The following PLXNB1 variants were observed in gnomAD, a reference collection of about 807,000 sequenced individuals.
PLXNB1 encodes the protein plexin-B1.
PLXNB1 carries 106 observed loss-of-function variants against 209.4 expected under a neutral mutation model. The ratio of observed to expected loss-of-function variants is 0.51; its 90% confidence interval spans 0.43 to 0.59. The LOEUF (loss-of-function observed/expected upper bound fraction) is 0.59. Among genes scored for constraint, PLXNB1 ranks in the 20% least tolerant of loss-of-function variants. PLXNB1 has a pLI of 0.00. For missense variants in PLXNB1, 2,357 were observed against 2,853.2 expected (o/e 0.83, Z 3.96); for synonymous variants, 1,167 against 1,183.2 (o/e 0.99, Z 0.28).
chr3:48,407,898 C>T (rs748166484), intron 34 of PLXNB1, among the ~76,000 whole-genome samples: 91 of 152,228 alleles, frequency 6.0e-4, no homozygotes, highest in Non-Finnish European at 1.1e-3. Context: ...GGTGGCCCTG[C>T]GGGTCCTGGT....
At chr3:48,414,658 C>G (rs1048705846) in intron 21 of PLXNB1, 141 bp downstream of exon 21, 2 of 1,132,352 alleles carry the variant, frequency 1.8e-6, no homozygotes, top group East Asian at 4.8e-5. Flanking sequence ...GCCCCCTCTG[C>G]CCCCACCACA....
chr3:48,407,707 T>C (rs2037397346), intron 34 of PLXNB1, among the ~76,000 whole-genome samples: 1 of 152,220 alleles, frequency 6.6e-6, no homozygotes, highest in Non-Finnish European at 1.5e-5. Context: ...CAAGGCCAGC[T>C]CCTCTGTCAA....
In PLXNB1 at chr3:48,419,634, G is replaced by T. The variant is rs746347488; in HGVS notation, c.2652C>A (p.Pro884=). The T allele has an allele frequency of 3.1e-6, 5 of 1,612,522 alleles. 1 individual carries two copies. In the South Asian group the frequency reaches 4.4e-5, roughly 14 times the overall value. Residue 884 remains proline (P), a synonymous_variant, in exon 11 of 38, where the codon CCC becomes CCA. Transcript: ENST00000296440. This position sits in a 1 kb window ranked among gnomAD's most constrained non-coding sequence, Gnocchi z 5.7. ...AGTCGAGGCTGGACGGGAGGATGAGGGGGGCGGGAGGGCCCTCAAGCTCTG... is the reference window on the plus strand; with the variant it reads ...AGTCGAGGCTGGACGGGAGGATGAGTGGGGCGGGAGGGCCCTCAAGCTCTG... ...DSAELEGPPA[P]LILPSSLDYQ... is the part of the protein sequence containing the mutation.
At chr3:48,428,654 G>A (rs1338805813) in intron 1 of PLXNB1, among the ~76,000 whole-genome samples, 1 of 152,186 alleles carries the variant, frequency 6.6e-6, no homozygotes, top group East Asian at 1.9e-4. Flanking sequence ...TCACTACAGA[G>A]GTGAGTTATT....
chr3:48,419,044 G>A lies in PLXNB1; in HGVS notation c.2833-5C>T, dbSNP rs2038306457. 1.2e-6 allele frequency: 2 copies of A among 1,613,860 alleles called. No individual in the cohort carries two copies. The highest frequency in any genetic ancestry group is 1.7e-6 in the Non-Finnish European group (2 of 1,179,962). On this transcript the variant is annotated splice_region_variant and splice_polypyrimidine_tract_variant and intron_variant, in intron 12 of 37. Coordinates refer to ENST00000296440, the MANE Select transcript of PLXNB1 (RefSeq NM_001130082.3). The surrounding 1 kb of genome is among the most constrained non-coding windows in gnomAD (Gnocchi z 5.7). ...CTCATTGTCTCCTGGGCCATCCTGA[G>A]GGCAGAGAACACAGCTGTTGGGCAG...
intron 5 of PLXNB1, 28 bp from the exon 6 acceptor site, chr3:48,422,233 A>G (rs1698110859): frequency 1.2e-6 from 2 of 1,612,490 alleles, no homozygotes; most frequent in Admixed American, 3.3e-5. Flanking sequence ...ACCTGAGGCC[A>G]GCAATCCAAA....
In PLXNB1 at chr3:48,415,183, C is replaced by T; in HGVS notation, c.3959G>A (p.Ser1320Asn). 1 of 1,611,330 alleles carries T rather than the reference C, an allele frequency of 6.2e-7. No individual in the cohort carries two copies. The highest frequency in any genetic ancestry group is 8.5e-7 in the Non-Finnish European group (1 of 1,178,192). ...TACCCAAGGGTGTCCTACTTGCTGG[C>T]TACTGCAGGAGGGTCCAAGGGAACA... is the stretch of plus-strand genomic sequence containing the variant. The part of the protein sequence containing the change: ...TACSLGPSCS[S>N]QQFEEPCHVN... Residue 1320 changes from serine (S) to asparagine (N), a missense_variant, in exon 20 of 38, where the codon AGC becomes AAC. By Grantham distance (46) the Ser-to-Asn change is conservative. This residue lies in a region of PLXNB1 where 743 missense variants were observed against 896.2 expected (regional missense o/e 0.83). Transcript: ENST00000296440. The surrounding 1 kb of genome is among the most constrained non-coding windows in gnomAD (Gnocchi z 5.0).
intron 2 of PLXNB1, among the ~76,000 whole-genome samples, chr3:48,424,955 C>T (rs980796557): frequency 6.6e-6 from 1 of 152,136 alleles, no homozygotes; most frequent in Non-Finnish European, 1.5e-5. Context: ...CTGGATGGGG[C>T]AGAAGAGCAG....
chr3:48,406,534 G>A lies in PLXNB1; in HGVS notation c.6228+289C>T. 1 of 982,110 alleles carries A rather than the reference G, an allele frequency of 1.0e-6. No individual in the cohort carries two copies. The highest frequency in any genetic ancestry group is 1.2e-6 in the Non-Finnish European group (1 of 826,912). 60.8% of individuals were successfully genotyped at this position (982,110 alleles called of 1,614,324 possible). ...AGCAGTGGGAAGACGCATGCAGGCAGACCCAGGCAGGCCTGGGGCTGAATC... is the reference window on the plus strand; with the variant it reads ...AGCAGTGGGAAGACGCATGCAGGCAAACCCAGGCAGGCCTGGGGCTGAATC... On this transcript the variant is annotated intron_variant, in intron 36 of 37. Transcript: ENST00000296440. This position sits in a 1 kb window ranked among gnomAD's most constrained non-coding sequence, Gnocchi z 4.4.
chr3:48,410,309 A>G lies in PLXNB1; in HGVS notation c.5592T>C (p.Tyr1864=), dbSNP rs2037590826. The G allele has an allele frequency of 5.6e-6, 9 of 1,611,372 alleles. No individual in the cohort carries two copies. Among genetic ancestry groups the G allele is most frequent in the Non-Finnish European group, 7.6e-6 (9 of 1,178,514 alleles). The change falls in exon 31 of 38, where the codon TAT becomes TAC. Residue 1864 remains tyrosine, a synonymous_variant. Transcript: ENST00000296440. The surrounding 1 kb of genome is among the most constrained non-coding windows in gnomAD (Gnocchi z 6.4). The part of the protein sequence containing the change: ...TKHVLRENQD[Y]VPGERTPMLE... ...AGCGGTACTCACGCTCTCCAGGGAC[A>G]TAATCCTGGTTTTCCCGGAGCACAT...
intron 34 of PLXNB1, among the ~76,000 whole-genome samples, chr3:48,407,646 T>C (rs546370543): frequency 1.5e-3 from 234 of 152,316 alleles, no homozygotes; most frequent in Admixed American, 3.4e-3. Flanking sequence ...CTAGAGCTGC[T>C]GGGAAGGTGA....
In PLXNB1 at chr3:48,419,267, C is replaced by T; in HGVS notation, c.2809G>A (p.Gly937Ser). Residue 937 changes from glycine to serine, a missense_variant, in exon 12 of 38, where the codon GGC becomes AGC. Physicochemically the swap from Gly to Ser is moderately conservative, Grantham distance 56. Coordinates refer to ENST00000296440, the MANE Select transcript of PLXNB1 (RefSeq NM_001130082.3). The surrounding 1 kb of genome is among the most constrained non-coding windows in gnomAD (Gnocchi z 5.7). The stretch of plus-strand genomic sequence containing the variant: ...ACCTGGAAAAGGTGCAGGTTCCTGC[C>T]TAGCAGCCGGATTTCCCGCTCCACA... ...VHVEREIRLLGRNLHLFQDGP... is the reference protein window; with the variant it reads ...VHVEREIRLLSRNLHLFQDGP... The T allele has an allele frequency of 6.3e-7, 1 of 1,590,876 alleles. No individual in the cohort carries two copies. The highest frequency in any genetic ancestry group is 8.6e-7 in the Non-Finnish European group (1 of 1,165,896).
chr3:48,412,366 T>C, intron 26 of PLXNB1, 62 bp from the exon 27 acceptor site: 1 of 1,610,918 alleles, frequency 6.2e-7, no homozygotes, highest in Non-Finnish European at 8.5e-7. Flanking sequence ...CTCTCTATCC[T>C]GCAGACCCCC....
rs867179619 is a variant in PLXNB1 at position 48,409,330 on chromosome 3, C to T, written c.6086G>A (p.Arg2029Gln). 1.7e-5 allele frequency: 28 copies of T among 1,614,002 alleles called. No individual in the cohort carries two copies. Among genetic ancestry groups the T allele is most frequent in the African/African-American group, 6.7e-5 (5 of 74,944 alleles). ...ACTLADHKLG[R>Q]DSPINKLLYA... ...CGTGTCCATCCCAGACTCGCTCACCCGGCCCAGCTTGTGGTCGGCCAGGGT... is the reference window on the plus strand; with the variant it reads ...CGTGTCCATCCCAGACTCGCTCACCTGGCCCAGCTTGTGGTCGGCCAGGGT... Residue 2029 changes from arginine (R) to glutamine (Q), a missense_variant and splice_region_variant, in exon 34 of 38, where the codon CGG (arginine) becomes CAG (glutamine). Coordinates refer to ENST00000296440, the MANE Select transcript of PLXNB1 (RefSeq NM_001130082.3). This position sits in a 1 kb window ranked among gnomAD's most constrained non-coding sequence, Gnocchi z 5.8.
In PLXNB1 at chr3:48,413,847, G is replaced by C; in HGVS notation, c.4387-29C>G. The C allele has an allele frequency of 1.2e-6, 2 of 1,610,266 alleles. No homozygotes were observed. Among genetic ancestry groups the C allele is most frequent in the African/African-American group, 2.7e-5 (2 of 74,992 alleles). ...TGTCAGGAGCCACCTGTGAGCAAGGGTTTGGCCCAGGTCAATGCCCAGCCC... is the reference window on the plus strand; with the variant it reads ...TGTCAGGAGCCACCTGTGAGCAAGGCTTTGGCCCAGGTCAATGCCCAGCCC... On this transcript the variant is annotated intron_variant, in intron 22 of 37. Transcript: ENST00000296440. This position sits in a 1 kb window ranked among gnomAD's most constrained non-coding sequence, Gnocchi z 5.4.
At position 48,415,150 on chromosome 3, in the gene PLXNB1, T is replaced by C. The variant is rs774662788; in HGVS notation, c.3966+26A>G. The C allele has an allele frequency of 3.7e-6, 6 of 1,607,152 alleles. No homozygotes were observed. The highest frequency in any genetic ancestry group is 5.1e-6 in the Non-Finnish European group (6 of 1,175,230). The stretch of plus-strand genomic sequence containing the variant: ...GGTGTGGTATGGGGCAAGGGGAGAG[T>C]GTGGGGGTACCCAAGGGTGTCCTAC... On this transcript the variant is annotated intron_variant, in intron 20 of 37. Transcript: ENST00000296440. This position sits in a 1 kb window ranked among gnomAD's most constrained non-coding sequence, Gnocchi z 5.0.
Position 48,417,747 on chromosome 3 carries a change from C to T in PLXNB1, c.3374+164G>A, listed in dbSNP as rs2038193439. ...CAGGAACCTACAGGTGTGGTGGGTGCTCAGGGTCTTCAGTGGCAACGCTGG... is the reference window on the plus strand; with the variant it reads ...CAGGAACCTACAGGTGTGGTGGGTGTTCAGGGTCTTCAGTGGCAACGCTGG... On this transcript the variant is annotated intron_variant, in intron 16 of 37. Coordinates refer to ENST00000296440, the MANE Select transcript of PLXNB1 (RefSeq NM_001130082.3). This position sits in a 1 kb window ranked among gnomAD's most constrained non-coding sequence, Gnocchi z 4.4. Among the ~76,000 whole-genome samples, 1 of 152,190 alleles carries T rather than the reference C, an allele frequency of 6.6e-6. No individual in the cohort carries two copies. Among genetic ancestry groups the T allele is most frequent in the Non-Finnish European group, 1.5e-5 (1 of 68,032 alleles).
chr3:48,421,199 C>G, intron 8 of PLXNB1, 29 bp downstream of exon 8: 1 of 1,607,566 alleles, frequency 6.2e-7, no homozygotes, highest in Non-Finnish European at 8.5e-7. Flanking sequence ...GGGCTGGCCC[C>G]CACCAGGCTG....
intron 7 of PLXNB1, 139 bp from the exon 8 acceptor site, chr3:48,421,523 G>C: frequency 8.2e-7 from 1 of 1,215,046 alleles, no homozygotes; most frequent in Non-Finnish European, 1.1e-6. Flanking sequence ...GCCTGAGTTA[G>C]AAATAGATGG....
Sources: allele counts gnomAD v4.1 joint callset (sites outside exome capture counted in the v4.1 genomes callset), GRCh38; gene constraint gnomAD v4.1.1; regional missense constraint gnomAD v4.1.1; non-coding constraint Gnocchi (gnomAD v3.1); transcripts MANE v1.5; gene names NCBI Gene and HGNC (gene_info 2026-07-23, HGNC 2026-07-21).